Variants in PLAA observed in about 807,000 individuals in gnomAD.
PLAA encodes phospholipase A2 activating protein, also known as phospholipase A-2-activating protein.
A neutral mutation model predicts 84.1 loss-of-function variants in PLAA; 48 were observed. The observed-to-expected ratio is 0.57, with a 90% CI of 0.45 to 0.73. The LOEUF (loss-of-function observed/expected upper bound fraction) is 0.73. PLAA is among the 30% of genes least tolerant of loss of function. The probability of loss-of-function intolerance (pLI) is 0.00; values close to 1 mark genes in which losing one functional copy is unlikely to be tolerated. For missense variants in PLAA, 903 were observed against 954.7 expected, an observed-to-expected ratio of 0.95 and a Z score of 0.71; for synonymous variants, 392 against 336.6, an observed-to-expected ratio of 1.16 and a Z score of -1.80.
At position 26,905,868 on chromosome 9, in the gene PLAA, C is replaced by T; in HGVS notation, c.2031G>A (p.Met677Ile). ...FVGQAGQKLM[M>I]SQRESLMSHA... is the part of the protein sequence containing the mutation. ...GGGACATCAGTGATTCCCTCTGGGA[C>T]ATCATGAGTTTTTGTCCTGCCTGGC... The change falls in exon 14 of 14, where the codon ATG (methionine) becomes ATA (isoleucine). Residue 677 changes from methionine to isoleucine, a missense_variant. Met to Ile is a conservative substitution (Grantham distance 10, BLOSUM62 1). Coordinates refer to ENST00000397292, the MANE Select transcript of PLAA (RefSeq NM_001031689.3). 6.2e-7 allele frequency: 1 copy of T among 1,614,130 alleles called. No individual in the cohort carries two copies.
At chr9:26,911,645 A>T (rs901561249) in intron 11 of PLAA, among the ~76,000 whole-genome samples, 5 of 152,148 alleles carry the variant, frequency 3.3e-5, no homozygotes, top group Non-Finnish European at 7.3e-5. Flanking sequence ...ATTAACAGAA[A>T]CTCAGTATCT....
chr9:26,946,457 A>G (rs1825717234), intron 1 of PLAA, among the ~76,000 whole-genome samples: 1 of 151,966 alleles, frequency 6.6e-6, no homozygotes, highest in Non-Finnish European at 1.5e-5. Flanking sequence ...GCAATTTTTG[A>G]GAACTAAAGT....
chr9:26,926,791 C>T (rs1004622191), intron 4 of PLAA, among the ~76,000 whole-genome samples: 6 of 151,952 alleles, frequency 3.9e-5, no homozygotes, highest in Admixed American at 1.3e-4. Context: ...CTACCTTCTC[C>T]AAAAACCTCC....
chr9:26,944,933 G>C (rs950462025), intron 1 of PLAA, among the ~76,000 whole-genome samples: 11 of 152,182 alleles, frequency 7.2e-5, no homozygotes, highest in Admixed American at 1.3e-4. Flanking sequence ...TTCAAGACCA[G>C]CCTGACCAAC....
intron 1 of PLAA, 99 bp downstream of exon 1, chr9:26,946,798 G>A (rs1825738277): frequency 1.5e-6 from 2 of 1,324,758 alleles, no homozygotes; most frequent in Non-Finnish European, 2.0e-6. Flanking sequence ...AAGGCTGGGG[G>A]GAGAGAGAGA....
chr9:26,935,466 C>G (rs1226484090), intron 1 of PLAA, among the ~76,000 whole-genome samples: 1 of 152,124 alleles, frequency 6.6e-6, no homozygotes, highest in African/African-American at 2.4e-5. Flanking sequence ...AAAGAAAGGG[C>G]AATAAATAAT....
At chr9:26,917,313 G>T (rs1024515236) in intron 9 of PLAA, 148 bp from the exon 10 acceptor site, 2 of 622,258 alleles carry the variant, frequency 3.2e-6, no homozygotes, top group Non-Finnish European at 5.6e-6. Flanking sequence ...ACTATAGTCA[G>T]AAGTCTTATA....
At chr9:26,922,345 T>A (rs1020475916) in intron 7 of PLAA, among the ~76,000 whole-genome samples, 1 of 152,086 alleles carries the variant, frequency 6.6e-6, no homozygotes, top group Non-Finnish European at 1.5e-5. Context: ...CCAGAATGGT[T>A]TAAAGCCCCT....
chr9:26,937,704 A>C (rs532292875), intron 1 of PLAA, among the ~76,000 whole-genome samples: 1 of 152,280 alleles, frequency 6.6e-6, no homozygotes, highest in African/African-American at 2.4e-5. Flanking sequence ...GAGGCAGAAA[A>C]CCTATAAAGA....
chr9:26,937,340 T>C (rs1825392417), intron 1 of PLAA, among the ~76,000 whole-genome samples: 1 of 152,048 alleles, frequency 6.6e-6, no homozygotes. Context: ...AGCCCGATAT[T>C]TGAAACAAAG....
Position 26,904,455 on chromosome 9 carries a change from T to G in PLAA, c.*1056A>C, listed in dbSNP as rs996487801. On this transcript the variant is annotated 3_prime_UTR_variant, in exon 14 of 14. Coordinates refer to ENST00000397292, the MANE Select transcript of PLAA (RefSeq NM_001031689.3). Reference sequence around the variant, plus strand: ...GATGTTCACACACATCTGTGATCTCTCTAGAAAGTATAGCATAGCATGTAC... The same window carrying G: ...GATGTTCACACACATCTGTGATCTCGCTAGAAAGTATAGCATAGCATGTAC... 1.3e-5 allele frequency: 2 copies of G among 152,188 alleles called. No homozygotes were observed. The highest frequency in any genetic ancestry group is 4.8e-5 in the African/African-American group (2 of 41,456). The allele number at this position is 152,188 out of a possible 1,614,324, so 9.4% of individuals were successfully genotyped here. A position where few individuals can be genotyped will look rare whatever the true frequency, so the allele number is the denominator to read the frequency against.
At chr9:26,942,647 C>G (rs1449094073) in intron 1 of PLAA, among the ~76,000 whole-genome samples, 3 of 152,172 alleles carry the variant, frequency 2.0e-5, no homozygotes, top group Non-Finnish European at 4.4e-5. Context: ...CTTTGGGAGG[C>G]CAAGGCGGGC....
chr9:26,905,839 G>A lies in PLAA; in HGVS notation c.2060C>T (p.Ala687Val), dbSNP rs1043608884. ...MSQRESLMSH[A>V]IELKSGSNKN... ...ATTGCTCCCTGATTTCAGTTCTATTGCATGGGACATCAGTGATTCCCTCTG... is the reference window on the plus strand; with the variant it reads ...ATTGCTCCCTGATTTCAGTTCTATTACATGGGACATCAGTGATTCCCTCTG... Residue 687 changes from alanine (A) to valine (V), a missense_variant, in exon 14 of 14, where the codon GCA becomes GTA. Physicochemically the swap from Ala to Val is moderately conservative, Grantham distance 64. Coordinates refer to ENST00000397292, the MANE Select transcript of PLAA (RefSeq NM_001031689.3). 1 of 1,614,114 alleles carries A rather than the reference G, an allele frequency of 6.2e-7. No homozygotes were observed. The highest frequency in any genetic ancestry group is 8.5e-7 in the Non-Finnish European group (1 of 1,180,002).
chr9:26,940,018 A>G (rs1199963226), intron 1 of PLAA, among the ~76,000 whole-genome samples: 1 of 152,220 alleles, frequency 6.6e-6, no homozygotes, highest in Non-Finnish European at 1.5e-5. Flanking sequence ...GGACTTAACA[A>G]AATAAATCAA....
intron 7 of PLAA, among the ~76,000 whole-genome samples, chr9:26,921,887 G>A (rs2131384201): frequency 6.6e-6 from 1 of 152,260 alleles, no homozygotes; most frequent in African/African-American, 2.4e-5. Context: ...GTTCCTGGTG[G>A]AGATACATTT....
chr9:26,927,076 G>A (rs150028230), intron 4 of PLAA, among the ~76,000 whole-genome samples: 356 of 151,488 alleles, frequency 2.4e-3, no homozygotes, highest in Non-Finnish European at 4.3e-3. Flanking sequence ...AGAAACAGAA[G>A]GATGTTTAGT....
chr9:26,914,026 G>T, intron 10 of PLAA, 79 bp from the exon 11 acceptor site: 1 of 987,154 alleles, frequency 1.0e-6, no homozygotes, highest in Non-Finnish European at 1.6e-6. Flanking sequence ...CTTATTTCCA[G>T]TATTAAGCAC....
chr9:26,940,556 T>C lies in PLAA; in HGVS notation c.150-5350A>G, dbSNP rs539718416. On this transcript the variant is annotated intron_variant, in intron 1 of 13. Transcript: ENST00000397292. ...TTTCAGTGTAAAGAGATAAAAAGAG[T>C]TAAAAGATGGATGGTGGTGATGGTT... Among the ~76,000 whole-genome samples the C allele has an allele frequency of 7.9e-5, 12 of 151,988 alleles. No individual in the cohort carries two copies. In the South Asian group the frequency reaches 1.5e-3, roughly 18 times the overall value.
intron 6 of PLAA, among the ~76,000 whole-genome samples, chr9:26,923,928 A>G (rs1824852965): frequency 6.6e-6 from 1 of 152,182 alleles, no homozygotes. Flanking sequence ...GACACTTCCA[A>G]CTGTATTAAT....
Sources: gnomAD v4.1 joint callset for allele counts (sites outside exome capture counted in the v4.1 genomes callset) on GRCh38, gnomAD v4.1.1 for gene constraint, MANE v1.5 for transcripts, NCBI Gene and HGNC (gene_info 2026-07-23, HGNC 2026-07-21) for gene names.